ROBO1: variants seen among roughly 807,000 people sequenced by gnomAD.
ROBO1 encodes the protein roundabout homolog 1.
ROBO1 carries 149 observed loss-of-function variants against 195.9 expected under a neutral mutation model. The observed-to-expected ratio is 0.76, with a 90% confidence interval of 0.67 to 0.87. The LOEUF (loss-of-function observed/expected upper bound fraction) is 0.87, where lower values mean the gene tolerates loss of function less well. Ranked by LOEUF, ROBO1 falls within the 40% of genes least tolerant of loss-of-function variation. The probability of loss-of-function intolerance (pLI) is 0.00; values close to 1 mark genes in which losing one functional copy is unlikely to be tolerated. For synonymous variants in ROBO1, 816 were observed against 733.2 expected, an observed-to-expected ratio of 1.11 and a Z score of -1.82; for missense variants, 1,933 against 2,068.3, an observed-to-expected ratio of 0.93 and a Z score of 1.27.
chr3:78,704,338 G>T (rs1054322050), intron 8 of ROBO1, among the ~76,000 whole-genome samples: 1 of 151,926 alleles, frequency 6.6e-6, no homozygotes, highest in Non-Finnish European at 1.5e-5. Flanking sequence ...TATCATACGA[G>T]CTCCAAAAAA....
chr3:78,773,342 G>T (rs1200851598), intron 4 of ROBO1, among the ~76,000 whole-genome samples: 1 of 152,032 alleles, frequency 6.6e-6, no homozygotes, highest in East Asian at 1.9e-4. Flanking sequence ...CATAAGGAAT[G>T]CATTGTTATC....
chr3:78,975,021 A>G (rs919078264), intron 3 of ROBO1, among the ~76,000 whole-genome samples: 4 of 152,148 alleles, frequency 2.6e-5, no homozygotes, highest in African/African-American at 9.6e-5. Context: ...TCAGAGCCAG[A>G]AAGTTTAATT....
Position 79,202,505 on chromosome 3 carries a change from T to C in ROBO1, c.89-76966A>G, listed in dbSNP as rs991212327. 2.7e-5 allele frequency among the ~76,000 whole-genome samples: 4 copies of C among 150,702 alleles called. No individual in the cohort carries two copies. In the East Asian group the frequency reaches 7.8e-4, roughly 30 times the overall value. ...TCAGCGATCGTGAACAAACTGCCCA[T>C]GAACAATGGGGAACATTCTATTAAT... On this transcript the variant is annotated intron_variant, in intron 2 of 30. Transcript: ENST00000464233.
chr3:78,859,380 A>G (rs961693446), intron 4 of ROBO1, among the ~76,000 whole-genome samples: 5 of 152,174 alleles, frequency 3.3e-5, no homozygotes, highest in Non-Finnish European at 7.3e-5. Context: ...TGAGCATCCC[A>G]AATCTGAAAA....
chr3:78,889,930 A>G (rs2036791256), intron 4 of ROBO1, among the ~76,000 whole-genome samples: 1 of 151,932 alleles, frequency 6.6e-6, no homozygotes, highest in Non-Finnish European at 1.5e-5. Context: ...AATTCTGTCA[A>G]ATTGTACTCA....
At chr3:79,709,979 G>A (rs150443094) in intron 1 of ROBO1, among the ~76,000 whole-genome samples, 14 of 152,214 alleles carry the variant, frequency 9.2e-5, no homozygotes, top group Middle Eastern at 3.4e-3. Flanking sequence ...CTGGAATTGT[G>A]AGAAATAAAT....
intron 11 of ROBO1, among the ~76,000 whole-genome samples, chr3:78,668,955 A>G (rs1559721412): frequency 6.6e-6 from 1 of 152,182 alleles, no homozygotes; most frequent in Non-Finnish European, 1.5e-5. Context: ...ACCAATGCCT[A>G]TTCTTGCTAT....
At chr3:78,685,662 T>C (rs1467332136) in intron 10 of ROBO1, 84 bp downstream of exon 10, 3 of 910,218 alleles carry the variant, frequency 3.3e-6, no homozygotes, top group Admixed American at 6.4e-5. Flanking sequence ...AGGTATAAAG[T>C]TGGAAATAAA....
chr3:79,166,571 T>TTTTTTTTA (rs2081069533), intron 2 of ROBO1, among the ~76,000 whole-genome samples: 1 of 150,026 alleles, frequency 6.7e-6, no homozygotes, highest in African/African-American at 2.5e-5. Context: ...TTTTTTTTTT[T>TTTTTTTTA]TTTTTTATTT....
chr3:79,073,758 G>T (rs2079126536), intron 3 of ROBO1, among the ~76,000 whole-genome samples: 1 of 151,534 alleles, frequency 6.6e-6, no homozygotes, highest in Non-Finnish European at 1.5e-5. Context: ...ACACATTTGT[G>T]CTTTTAATGT....
intron 3 of ROBO1, among the ~76,000 whole-genome samples, chr3:78,939,942 A>G (rs1332273595): frequency 6.6e-6 from 1 of 151,950 alleles, no homozygotes; most frequent in African/African-American, 2.4e-5. Flanking sequence ...TCACTTAAAT[A>G]TTTTCTGTGT....
chr3:79,707,230 G>T (rs767063680), intron 1 of ROBO1, among the ~76,000 whole-genome samples: 1 of 152,012 alleles, frequency 6.6e-6, no homozygotes, highest in African/African-American at 2.4e-5. Flanking sequence ...ACTGACATAT[G>T]GTGTCTTTCA....
chr3:79,637,718 T>A (rs972707490), intron 1 of ROBO1, among the ~76,000 whole-genome samples: 7 of 151,926 alleles, frequency 4.6e-5, no homozygotes, highest in Admixed American at 4.6e-4. Context: ...GTTTAACACA[T>A]AACACAATGC....
At chr3:79,237,772 T>TA (rs910158248) in intron 2 of ROBO1, among the ~76,000 whole-genome samples, 69 of 151,474 alleles carry the variant, frequency 4.6e-4, no homozygotes, top group Non-Finnish European at 6.6e-4. Context: ...GATATAAAAA[T>TA]AAAAAAAAAT....
chr3:79,348,992 CTG>C (rs1170501808), intron 2 of ROBO1, among the ~76,000 whole-genome samples: 1 of 152,134 alleles, frequency 6.6e-6, no homozygotes, highest in Non-Finnish European at 1.5e-5. Flanking sequence ...TCAAACAACA[CTG>C]TATAGAACAA....
chr3:79,632,794 C>T (rs974627751), intron 1 of ROBO1, among the ~76,000 whole-genome samples: 2 of 152,000 alleles, frequency 1.3e-5, no homozygotes, highest in African/African-American at 4.8e-5. Context: ...CCTCAAAATT[C>T]AAATCTCTTC....
At chr3:79,588,154 C>T (rs1263578535) in intron 2 of ROBO1, among the ~76,000 whole-genome samples, 4 of 151,578 alleles carry the variant, frequency 2.6e-5, no homozygotes, top group East Asian at 1.9e-4. Flanking sequence ...ACAATGAAGT[C>T]GTATACTGTA....
At chr3:78,610,685 A>C (rs1463283978) in intron 28 of ROBO1, among the ~76,000 whole-genome samples, 1 of 152,140 alleles carries the variant, frequency 6.6e-6, no homozygotes, top group African/African-American at 2.4e-5. Context: ...AAAATCTGTT[A>C]CTAGATGTTC....
intron 4 of ROBO1, among the ~76,000 whole-genome samples, chr3:78,837,434 A>T (rs183698434): frequency 3.9e-5 from 6 of 152,286 alleles, no homozygotes; most frequent in Admixed American, 2.6e-4. Context: ...ATAGTTGCTT[A>T]AAATGATTTA....
Sources: gnomAD v4.1 joint callset for allele counts (sites outside exome capture counted in the v4.1 genomes callset) on GRCh38, gnomAD v4.1.1 for gene constraint, MANE v1.5 for transcripts, NCBI Gene and HGNC (gene_info 2026-07-23, HGNC 2026-07-21) for gene names.